Variants in MALRD1 observed in about 807,000 individuals in gnomAD.
MALRD1 encodes MAM and LDL receptor class A domain containing 1.
In MALRD1, 247 loss-of-function variants were observed where a neutral mutation model predicts 242.1. That is an observed-to-expected ratio of 1.02 (90% confidence interval 0.92 to 1.13). The LOEUF is 1.13. Among genes scored for constraint, MALRD1 ranks in the 50% most tolerant of loss-of-function variants. The pLI is 0.00. For missense variants in MALRD1, 2,989 were observed against 2,533.1 expected (o/e 1.18, Z -3.86); for synonymous variants, 995 against 866.6 (o/e 1.15, Z -2.60).
intron 26 of MALRD1, among the ~76,000 whole-genome samples, chr10:19,369,677 C>T (rs1308961193): frequency 6.7e-6 from 1 of 149,960 alleles, no homozygotes; most frequent in Non-Finnish European, 1.5e-5. Context: ...TGCATAAGTA[C>T]ACAAATACAC....
intron 17 of MALRD1, among the ~76,000 whole-genome samples, chr10:19,205,795 G>C (rs1299817729): frequency 1.3e-5 from 2 of 151,942 alleles, no homozygotes; most frequent in Non-Finnish European, 2.9e-5. Flanking sequence ...GAAGGTGTGG[G>C]GAAGGCCAGA....
chr10:19,302,192 G>A (rs979576960), intron 21 of MALRD1, among the ~76,000 whole-genome samples: 1 of 151,806 alleles, frequency 6.6e-6, no homozygotes, highest in Non-Finnish European at 1.5e-5. Context: ...AGGCAACTGT[G>A]AACATTGTCT....
intron 14 of MALRD1, among the ~76,000 whole-genome samples, chr10:19,200,490 A>G (rs1194073999): frequency 6.6e-6 from 1 of 152,132 alleles, no homozygotes. Flanking sequence ...TTACCAGCTC[A>G]GACTTCAGAC....
intron 14 of MALRD1, among the ~76,000 whole-genome samples, chr10:19,188,425 C>G (rs1464115960): frequency 1.3e-5 from 2 of 152,092 alleles, no homozygotes; most frequent in Admixed American, 6.5e-5. Flanking sequence ...GATTGTATAT[C>G]TGAACAAATT....
At chr10:19,698,854 A>T (rs1038307344) in intron 38 of MALRD1, among the ~76,000 whole-genome samples, 1 of 152,216 alleles carries the variant, frequency 6.6e-6, no homozygotes, top group Non-Finnish European at 1.5e-5. Context: ...ATGGAATACT[A>T]TGTAGCCATA....
chr10:19,389,300 G>A (rs1171556524), intron 27 of MALRD1, 152 bp from the exon 28 acceptor site: 8 of 845,004 alleles, frequency 9.5e-6, no homozygotes, highest in Non-Finnish European at 1.6e-5. Flanking sequence ...CTAGAGGCGA[G>A]GCTATTAGAT....
chr10:19,316,627 CACA>C (rs926903726), intron 21 of MALRD1, among the ~76,000 whole-genome samples: 6 of 151,734 alleles, frequency 4.0e-5, no homozygotes, highest in African/African-American at 1.2e-4. Context: ...AGCAGTTCCG[CACA>C]ACGAGGAATG....
intron 26 of MALRD1, among the ~76,000 whole-genome samples, chr10:19,361,852 G>T (rs1358582703): frequency 6.6e-6 from 1 of 152,078 alleles, no homozygotes; most frequent in Non-Finnish European, 1.5e-5. Context: ...ACTAACCCCA[G>T]TATTTCTTAT....
intron 18 of MALRD1, among the ~76,000 whole-genome samples, chr10:19,212,379 T>A (rs1453976904): frequency 6.6e-6 from 1 of 152,238 alleles, no homozygotes; most frequent in East Asian, 1.9e-4. Flanking sequence ...TTTCTCTGCA[T>A]GTTTTACCTC....
At chr10:19,157,792 G>A (rs1834229569) in intron 12 of MALRD1, among the ~76,000 whole-genome samples, 1 of 152,016 alleles carries the variant, frequency 6.6e-6, no homozygotes, top group Admixed American at 6.6e-5. Context: ...CATAATCCTA[G>A]CAGACTAATA....
chr10:19,325,006 C>CTTTTTTTTTTTTTTT (rs34290618), intron 22 of MALRD1, among the ~76,000 whole-genome samples: 13 of 77,948 alleles, frequency 1.7e-4, no homozygotes, highest in Admixed American at 3.4e-4. Context: ...TCAGTAGTTG[C>CTTTTTTTTTTTTTTT]TTTTTTTTTT....
chr10:19,402,701 A>G (rs1255923443), intron 28 of MALRD1, among the ~76,000 whole-genome samples: 1 of 152,190 alleles, frequency 6.6e-6, no homozygotes, highest in Non-Finnish European at 1.5e-5. Flanking sequence ...CAGGGTAACC[A>G]CATATTATTA....
chr10:19,235,578 C>CAGAGAGAG (rs34117417), intron 18 of MALRD1, among the ~76,000 whole-genome samples: 12,872 of 132,154 alleles, frequency 0.097, 739 homozygotes, highest in African/African-American at 0.15. Flanking sequence ...CCCACACCCA[C>CAGAGAGAG]AGAGAGAGAG....
chr10:19,362,753 C>A (rs1302751093), intron 26 of MALRD1, among the ~76,000 whole-genome samples: 1 of 152,040 alleles, frequency 6.6e-6, no homozygotes, highest in Non-Finnish European at 1.5e-5. Flanking sequence ...TAGAAAGAAT[C>A]TTTTTGGCTG....
Position 19,175,239 on chromosome 10 carries a change from A to T in MALRD1, c.1862A>T (p.Asn621Ile). The part of the protein sequence containing the change: ...LILEATVLSS[N>I]ATVALDDISV... ...TTGGAAGCTACTGTTTTGTCGTCAA[A>T]TGCTACCGTTGCTCTAGATGACATC... The change falls in exon 14 of 40, where the codon AAT becomes ATT. Residue 621 changes from asparagine to isoleucine, a missense_variant. By Grantham distance (149) the Asn-to-Ile change is moderately radical (BLOSUM62 -3). Transcript: ENST00000454679. 8.1e-7 allele frequency: 1 copy of T among 1,230,300 alleles called. No individual in the cohort carries two copies. Among genetic ancestry groups the T allele is most frequent in the Non-Finnish European group, 1.0e-6 (1 of 987,072 alleles). 76.2% of individuals were successfully genotyped at this position (1,230,300 alleles called of 1,614,324 possible).
At chr10:19,348,111 C>G in intron 25 of MALRD1, 93 bp downstream of exon 25, 1 of 1,421,924 alleles carries the variant, frequency 7.0e-7, no homozygotes, top group East Asian at 2.5e-5. Flanking sequence ...GTGGCTGGGG[C>G]CAGAGAAAAG....
chr10:19,258,411 A>G (rs1397565552), intron 19 of MALRD1, among the ~76,000 whole-genome samples: 1 of 152,140 alleles, frequency 6.6e-6, no homozygotes, highest in Non-Finnish European at 1.5e-5. Context: ...TGAGAAGTGC[A>G]TAGTGATCTA....
intron 19 of MALRD1, among the ~76,000 whole-genome samples, chr10:19,259,429 G>A (rs1228141047): frequency 6.6e-6 from 1 of 152,024 alleles, no homozygotes; most frequent in Non-Finnish European, 1.5e-5. Flanking sequence ...TGGCTGTGAG[G>A]GCCTCACAAT....
At chr10:19,562,302 T>TAGATAGAC (rs1554800922) in intron 32 of MALRD1, among the ~76,000 whole-genome samples, 3 of 70,404 alleles carry the variant, frequency 4.3e-5, no homozygotes, top group Admixed American at 2.5e-4. Flanking sequence ...CTTAGGTAGA[T>TAGATAGAC]AGATAGATAG....
Sources: allele counts gnomAD v4.1 joint callset (sites outside exome capture counted in the v4.1 genomes callset), GRCh38; gene constraint gnomAD v4.1.1; transcripts MANE v1.5; gene names NCBI Gene and HGNC (gene_info 2026-07-23, HGNC 2026-07-21).